The following CAMK2B variants were observed in gnomAD, a reference collection of about 807,000 sequenced individuals.
CAMK2B encodes calcium/calmodulin-dependent protein kinase type II subunit beta.
Under a neutral mutation model 93.7 loss-of-function variants are expected in CAMK2B, and 27 were observed. That is an observed-to-expected ratio of 0.29 (90% confidence interval 0.21 to 0.40). The LOEUF (loss-of-function observed/expected upper bound fraction) is 0.40. CAMK2B is among the 10% of genes least tolerant of loss of function. The pLI, the probability that CAMK2B is intolerant of heterozygous loss-of-function variation, is 1.00. For missense variants in CAMK2B, 568 were observed against 895.8 expected, an observed-to-expected ratio of 0.63 and a Z score of 4.67; for synonymous variants, 374 against 358.8, an observed-to-expected ratio of 1.04 and a Z score of -0.48.
chr7:44,285,883 G>GT (rs1784944988), intron 1 of CAMK2B, among the ~76,000 whole-genome samples: 1 of 107,504 alleles, frequency 9.3e-6, no homozygotes, highest in Admixed American at 9.3e-5. Context: ...GGGGGGCGCG[G>GT]CGGGGGGGCA....
chr7:44,305,544 G>A (rs1791228950), intron 1 of CAMK2B, among the ~76,000 whole-genome samples: 1 of 152,222 alleles, frequency 6.6e-6, no homozygotes, highest in Admixed American at 6.5e-5. Flanking sequence ...TTGCCGCCCT[G>A]CACAGGTCCC....
Position 44,284,193 on chromosome 7 carries a change from T to G in CAMK2B, c.98A>C (p.Lys33Thr), listed in dbSNP as rs771521406. ...GAFSVVRRCV[K>T]LCTGHEYAAK... ...TGCATACTCATGGCCGGTGCAGAGC[T>G]TGACACAGCGTCGGACCACAGAGAA... is the stretch of plus-strand genomic sequence containing the variant. The change falls in exon 2 of 24, where the codon AAG becomes ACG. Residue 33 changes from lysine (K) to threonine (T), a missense_variant. Lys to Thr is a moderately conservative substitution (Grantham distance 78). This residue lies in a region of CAMK2B where 39 missense variants were observed against 43.4 expected (regional missense o/e 0.90). Coordinates refer to ENST00000395749, the MANE Select transcript of CAMK2B (RefSeq NM_001220.5). 1 of 1,613,570 alleles carries G rather than the reference T, an allele frequency of 6.2e-7. No homozygotes were observed. Among genetic ancestry groups the G allele is most frequent in the Non-Finnish European group, 8.5e-7 (1 of 1,179,890 alleles).
Position 44,286,002 on chromosome 7 carries a change from G to A in CAMK2B, c.66-1777C>T, listed in dbSNP as rs973309176. On this transcript the variant is annotated intron_variant, in intron 1 of 23. Coordinates refer to ENST00000395749, the MANE Select transcript of CAMK2B (RefSeq NM_001220.5). This position sits in a 1 kb window ranked among gnomAD's most constrained non-coding sequence, Gnocchi z 4.0. ...TTTTTAAAGAAAAATATAAAGAAAG[G>A]ATTATTATTTTTAACATATGACATT... is the stretch of plus-strand genomic sequence containing the variant. Among the ~76,000 whole-genome samples the A allele has an allele frequency of 6.6e-6, 1 of 152,096 alleles. No homozygotes were observed. Among genetic ancestry groups the A allele is most frequent in the African/African-American group, 2.4e-5 (1 of 41,418 alleles).
Position 44,243,345 on chromosome 7 carries a change from G to A in CAMK2B, c.518-12C>T. 6.2e-7 allele frequency: 1 copy of A among 1,613,668 alleles called. No individual in the cohort carries two copies. Among genetic ancestry groups the A allele is most frequent in the Non-Finnish European group, 8.5e-7 (1 of 1,179,692 alleles). On this transcript the variant is annotated splice_polypyrimidine_tract_variant and intron_variant, in intron 7 of 23. Transcript: ENST00000395749. Reference sequence around the variant, plus strand: ...TGTGCCAGCGAAACCTAGAGAGAGGGGAAGAGGCCACAAGGGGCTGTCAGC... The same window carrying A: ...TGTGCCAGCGAAACCTAGAGAGAGGAGAAGAGGCCACAAGGGGCTGTCAGC...
chr7:44,323,893 G>C (rs1796794982), intron 1 of CAMK2B: 1 of 161,800 alleles, frequency 6.2e-6, no homozygotes, highest in Non-Finnish European at 1.4e-5. Flanking sequence ...GTGAAGACCG[G>C]GGAGCCAGCC....
intron 1 of CAMK2B, among the ~76,000 whole-genome samples, chr7:44,299,813 T>C (rs193196491): frequency 6.2e-4 from 94 of 152,292 alleles, no homozygotes; most frequent in African/African-American, 2.2e-3. Context: ...GTCTAGTGCA[T>C]AGTAAAATGC....
At position 44,228,855 on chromosome 7, in the gene CAMK2B, AG is replaced by A; in HGVS notation, c.1408del (p.Leu470SerfsTer14). The part of the protein sequence containing the change: ...GSGTPEAEGP[L>X]SAGPPPCLSP... ...CAGGCAGGGCGGGGGCCCCGCTGAG[AG>A]GGGGCCCTCGGCTTCTGGGGTTCCT... On this transcript the variant is annotated frameshift_variant, in exon 19 of 24. Transcript: ENST00000395749. LOFTEE classifies it high-confidence loss of function. The A allele has an allele frequency of 6.7e-7, 1 of 1,496,080 alleles. No homozygotes were observed. Among genetic ancestry groups the A allele is most frequent in the Non-Finnish European group, 9.0e-7 (1 of 1,109,970 alleles). 92.7% of individuals were successfully genotyped at this position (1,496,080 alleles called of 1,614,324 possible). A position where few individuals can be genotyped will look rare whatever the true frequency, so the allele number is the denominator to read the frequency against.
At chr7:44,283,275 C>T (rs989449826) in intron 2 of CAMK2B, among the ~76,000 whole-genome samples, 2 of 152,224 alleles carry the variant, frequency 1.3e-5, no homozygotes, top group East Asian at 1.9e-4. Flanking sequence ...TGTTTGTCCT[C>T]GACCTGCCCC....
In CAMK2B at chr7:44,258,915, C is replaced by A; in HGVS notation, c.232G>T (p.Asp78Tyr). The change falls in exon 4 of 24, where the codon GAC (aspartate) becomes TAC (tyrosine). Residue 78 changes from aspartate (D) to tyrosine (Y), a missense_variant. Coordinates refer to ENST00000395749, the MANE Select transcript of CAMK2B (RefSeq NM_001220.5). The stretch of plus-strand genomic sequence containing the variant: ...TGGAAGCCCTCCTCGGAGATGCTGT[C>A]GTGGAGACGCACTGTGGGGACAGAG... ...LKHSNIVRLH[D>Y]SISEEGFHYL... 1 of 1,613,848 alleles carries A rather than the reference C, an allele frequency of 6.2e-7. No homozygotes were observed. Among genetic ancestry groups the A allele is most frequent in the South Asian group, 1.1e-5 (1 of 91,048 alleles).
intron 1 of CAMK2B, among the ~76,000 whole-genome samples, chr7:44,314,925 T>C (rs1008368319): frequency 3.3e-5 from 5 of 152,240 alleles, no homozygotes; most frequent in Non-Finnish European, 5.9e-5. Context: ...AATTAGGTTG[T>C]TTCTTCTTAC....
In CAMK2B at chr7:44,311,201, GAGT is replaced by G. The variant is rs774786376; in HGVS notation, c.65+14153_65+14155del. Among the ~76,000 whole-genome samples the G allele has an allele frequency of 2.1e-4, 32 of 152,200 alleles. 1 individual carries two copies. Among genetic ancestry groups the G allele is most frequent in the Admixed American group, 1.4e-3 (22 of 15,300 alleles). ...AGCGATTCTCCTGCCTCAACCTCCTGAGTAGCTGGGATTACAGGCACATGCCAC... is the reference window on the plus strand; with the variant it reads ...AGCGATTCTCCTGCCTCAACCTCCTGAGCTGGGATTACAGGCACATGCCAC... On this transcript the variant is annotated intron_variant, in intron 1 of 23. Transcript: ENST00000395749. The surrounding 1 kb of genome is among the most constrained non-coding windows in gnomAD (Gnocchi z 4.2).
At chr7:44,234,597 C>G in intron 14 of CAMK2B, 42 bp downstream of exon 14, 1 of 1,612,116 alleles carries the variant, frequency 6.2e-7, no homozygotes, top group Non-Finnish European at 8.5e-7. Flanking sequence ...AAGCTGCAGG[C>G]TCTGGGCTCC....
chr7:44,282,819 G>A (rs1466259449), intron 2 of CAMK2B, among the ~76,000 whole-genome samples: 2 of 152,188 alleles, frequency 1.3e-5, no homozygotes, highest in Non-Finnish European at 2.9e-5. Flanking sequence ...GAGGAGGCCC[G>A]TCTCTGCCCA....
At position 44,217,476 on chromosome 7, in the gene CAMK2B, G is replaced by C. The variant is rs905470824; in HGVS notation, c.*2049C>G. On this transcript the variant is annotated 3_prime_UTR_variant, in exon 24 of 24. Transcript: ENST00000395749. ...AGGTGACAAGGTGAGAGGGAGAGGAGGGGAGGAGGCCCCAGGACGCCAGGG... is the reference window on the plus strand; with the variant it reads ...AGGTGACAAGGTGAGAGGGAGAGGACGGGAGGAGGCCCCAGGACGCCAGGG... The C allele has an allele frequency of 6.6e-6, 1 of 152,428 alleles. No homozygotes were observed. Among genetic ancestry groups the C allele is most frequent in the Non-Finnish European group, 1.5e-5 (1 of 68,170 alleles). The allele number at this position is 152,428 out of a possible 1,614,324, so 9.4% of individuals were successfully genotyped here. A position where few individuals can be genotyped will look rare whatever the true frequency, so the allele number is the denominator to read the frequency against.
intron 16 of CAMK2B, among the ~76,000 whole-genome samples, chr7:44,231,781 G>A (rs1321242660): frequency 6.6e-6 from 1 of 152,198 alleles, no homozygotes; most frequent in Non-Finnish European, 1.5e-5. Flanking sequence ...CTCCCACCCT[G>A]CTCCAGGGCT....
intron 1 of CAMK2B, among the ~76,000 whole-genome samples, chr7:44,323,178 G>A (rs776737065): frequency 1.9e-4 from 29 of 152,218 alleles, no homozygotes; most frequent in Non-Finnish European, 3.7e-4. Flanking sequence ...CCTTGGCGTC[G>A]CCAGGGACCC....
chr7:44,228,688 G>T, intron 19 of CAMK2B, 108 bp downstream of exon 19: 2 of 1,093,044 alleles, frequency 1.8e-6, no homozygotes, highest in East Asian at 3.2e-5. Context: ...CTGCGGCGCC[G>T]GGGCAGGGTA....
rs1216293244 is a variant in CAMK2B, at chr7:44,225,501, A to T, written c.1597+1015T>A. Among the ~76,000 whole-genome samples the T allele has an allele frequency of 1.3e-5, 2 of 152,052 alleles. No individual in the cohort carries two copies. The highest frequency in any genetic ancestry group is 4.8e-5 in the African/African-American group (2 of 41,390). On this transcript the variant is annotated intron_variant, in intron 20 of 23. Transcript: ENST00000395749. The surrounding 1 kb of genome is among the most constrained non-coding windows in gnomAD (Gnocchi z 5.0). Reference sequence around the variant, plus strand: ...CTGCTTGCCTCTGATCCCCTCAGTCAACCCCTGCTGGGGGTCCTCAGCCGA... The same window carrying T: ...CTGCTTGCCTCTGATCCCCTCAGTCTACCCCTGCTGGGGGTCCTCAGCCGA...
rs2096865396 is a variant in CAMK2B, at chr7:44,259,873, C to T, written c.221-947G>A. On this transcript the variant is annotated intron_variant, in intron 3 of 23. Coordinates refer to ENST00000395749, the MANE Select transcript of CAMK2B (RefSeq NM_001220.5). Reference sequence around the variant, plus strand: ...CAACACGCTAGGGCTGTTCTAAGCACTTTGTGTGTGTTATTTCATTTAACC... The same window carrying T: ...CAACACGCTAGGGCTGTTCTAAGCATTTTGTGTGTGTTATTTCATTTAACC... Among the ~76,000 whole-genome samples the T allele has an allele frequency of 2.6e-5, 4 of 152,316 alleles. No individual in the cohort carries two copies. The South Asian group carries it at 8.3e-4, about 32-fold the overall frequency.
Sources: gnomAD v4.1 joint callset for allele counts (sites outside exome capture counted in the v4.1 genomes callset) on GRCh38, gnomAD v4.1.1 for gene constraint, gnomAD v4.1.1 regional missense constraint, Gnocchi (gnomAD v3.1) non-coding constraint, MANE v1.5 for transcripts, NCBI Gene and HGNC (gene_info 2026-07-23, HGNC 2026-07-21) for gene names.